Variants in LIPT1 observed in about 807,000 individuals in gnomAD.
LIPT1 encodes the protein lipoyltransferase 1.
In LIPT1, 22 loss-of-function variants were observed where a neutral mutation model predicts 25.1. The ratio of observed to expected loss-of-function variants is 0.88; its 90% CI spans 0.63 to 1.25. LIPT1 has a LOEUF of 1.25. Ranked by LOEUF, LIPT1 falls within the 50% of genes most tolerant of loss-of-function variation. LIPT1 has a pLI of 0.00. For synonymous variants in LIPT1, 131 were observed against 150.8 expected (o/e 0.87, Z 0.96); for missense variants, 399 against 432.8 (o/e 0.92, Z 0.69).
intron 1 of LIPT1, among the ~76,000 whole-genome samples, chr2:99,159,961 G>A (rs2093775912): frequency 6.6e-6 from 1 of 152,220 alleles, no homozygotes; most frequent in Admixed American, 6.5e-5. Context: ...CTCAGTTCAA[G>A]TATTCCTTCC....
intron 1 of LIPT1, among the ~76,000 whole-genome samples, chr2:99,160,866 TC>T (rs1559169356): frequency 6.6e-6 from 1 of 152,122 alleles, no homozygotes; most frequent in Non-Finnish European, 1.5e-5. Context: ...CATGAACACA[TC>T]GTTGATAACC....
chr2:99,160,158 G>A (rs2093777360), intron 1 of LIPT1, among the ~76,000 whole-genome samples: 1 of 152,160 alleles, frequency 6.6e-6, no homozygotes, highest in South Asian at 2.1e-4. Flanking sequence ...TATAATCCCA[G>A]CACTTTGGGA....
chr2:99,161,317 T>A (rs1574809443), intron 1 of LIPT1: 2 of 93,468 alleles, frequency 2.1e-5, no homozygotes, highest in African/African-American at 8.8e-5. Context: ...TATATATATA[T>A]ATATATATAT....
At position 99,163,016 on chromosome 2, in the gene LIPT1, A is replaced by G. The variant is rs1423255501; in HGVS notation, c.1059A>G (p.Pro353=). 6.2e-7 allele frequency: 1 copy of G among 1,603,788 alleles called. No individual in the cohort carries two copies. The highest frequency in any genetic ancestry group is 1.7e-5 in the Admixed American group (1 of 57,410). Reference sequence around the variant, plus strand: ...CAAATATATTACTTAGAACATGTCCACAAGACCACAAACTAAACAGTAAAT... The same window carrying G: ...CAAATATATTACTTAGAACATGTCCGCAAGACCACAAACTAAACAGTAAAT... ...MLTNILLRTC[P]QDHKLNSKWN... is the part of the protein sequence containing the mutation. The change falls in exon 2 of 2, where the codon CCA becomes CCG. Residue 353 remains proline (P), a synonymous_variant. Coordinates refer to ENST00000651691, the MANE Select transcript of LIPT1 (RefSeq NM_145199.3).
rs546532407 is a variant in LIPT1 at position 99,159,076 on chromosome 2, C to T, written c.-1-2881C>T. On this transcript the variant is annotated intron_variant, in intron 1 of 1. Coordinates refer to ENST00000651691, the MANE Select transcript of LIPT1 (RefSeq NM_145199.3). ...CCAGAGCTGCTGGGACTACAGGCGC[C>T]CGCCACCATGCCCGGCTAATTTTTT... 1.1e-4 allele frequency among the ~76,000 whole-genome samples: 17 copies of T among 152,306 alleles called. No homozygotes were observed. In the South Asian group the frequency reaches 3.5e-3, roughly 32 times the overall value.
At chr2:99,157,051 G>A (rs528840335) in intron 1 of LIPT1, among the ~76,000 whole-genome samples, 10 of 152,258 alleles carry the variant, frequency 6.6e-5, no homozygotes, top group African/African-American at 1.4e-4. Flanking sequence ...ATTTTATGAC[G>A]TCTGAGGCCA....
At position 99,162,611 on chromosome 2, in the gene LIPT1, G is replaced by A. The variant is rs773121905; in HGVS notation, c.654G>A (p.Lys218=). 6.2e-7 allele frequency: 1 copy of A among 1,614,104 alleles called. No individual in the cohort carries two copies. The highest frequency in any genetic ancestry group is 8.5e-7 in the Non-Finnish European group (1 of 1,180,022). The change falls in exon 2 of 2, where the codon AAG becomes AAA. Residue 218 remains lysine, a synonymous_variant. Coordinates refer to ENST00000651691, the MANE Select transcript of LIPT1 (RefSeq NM_145199.3). ...CCTTAGTGAAAAATCTTTTGGAAAA[G>A]GATCCCACTCTGACCTGTGAAGTAC... is the stretch of plus-strand genomic sequence containing the variant. The part of the protein sequence containing the change: ...IPSLVKNLLE[K]DPTLTCEVLM...
At chr2:99,157,511 G>A (rs1358974275) in intron 1 of LIPT1, among the ~76,000 whole-genome samples, 1 of 151,986 alleles carries the variant, frequency 6.6e-6, no homozygotes, top group African/African-American at 2.4e-5. Flanking sequence ...ATCCACCTTG[G>A]GCCTCCTATT....
chr2:99,155,019 T>C lies in LIPT1; in HGVS notation c.-34T>C, dbSNP rs2093735077. 1 of 455,848 alleles carries C rather than the reference T, an allele frequency of 2.2e-6. No homozygotes were observed. Among genetic ancestry groups the C allele is most frequent in the South Asian group, 1.5e-5 (1 of 64,564 alleles). The allele number at this position is 455,848 out of a possible 1,614,324, so 28.2% of individuals were successfully genotyped here. ...TGACGCACTTTTCCAGCTCGAGCCCTCACGAGGCCGTGGGTACGACCGGAA... is the reference window on the plus strand; with the variant it reads ...TGACGCACTTTTCCAGCTCGAGCCCCCACGAGGCCGTGGGTACGACCGGAA... On this transcript the variant is annotated 5_prime_UTR_variant, in exon 1 of 2. Transcript: ENST00000651691.
chr2:99,157,986 T>C (rs546236731), intron 1 of LIPT1, among the ~76,000 whole-genome samples: 25 of 152,344 alleles, frequency 1.6e-4, no homozygotes, highest in South Asian at 6.2e-4. Context: ...TTAGCACATA[T>C]TGTGTACTTT....
rs1188277189 is a variant in LIPT1, at chr2:99,163,031, A to G, written c.1074A>G (p.Leu358=). 1.9e-6 allele frequency: 3 copies of G among 1,596,054 alleles called. No individual in the cohort carries two copies. The highest frequency in any genetic ancestry group is 2.7e-5 in the African/African-American group (2 of 74,072). Residue 358 remains leucine (L), a synonymous_variant, in exon 2 of 2, where the codon CTA becomes CTG. Coordinates refer to ENST00000651691, the MANE Select transcript of LIPT1 (RefSeq NM_145199.3). ...GAACATGTCCACAAGACCACAAACT[A>G]AACAGTAAATGGAATATTCTCTGTG... ...LLRTCPQDHK[L]NSKWNILCEK... is the part of the protein sequence containing the mutation.
At chr2:99,161,335 T>TATATAG (rs2093790871) in intron 1 of LIPT1, 1 of 105,248 alleles carries the variant, frequency 9.5e-6, no homozygotes, top group Non-Finnish European at 1.8e-5. Flanking sequence ...TATATATATA[T>TATATAG]ATAGATTGAA....
At chr2:99,156,019 C>T (rs572176491) in intron 1 of LIPT1, among the ~76,000 whole-genome samples, 1 of 152,278 alleles carries the variant, frequency 6.6e-6, no homozygotes, top group South Asian at 2.1e-4. Context: ...AATCAATAAG[C>T]TGGCAGTCAG....
chr2:99,161,678 A>G (rs1427670567), intron 1 of LIPT1: 3 of 200,746 alleles, frequency 1.5e-5, no homozygotes, highest in Non-Finnish European at 1.8e-5. Flanking sequence ...TCTGTAAGAG[A>G]AAAAAAAAAG....
At chr2:99,161,868 A>C (rs1353643471) in intron 1 of LIPT1, 89 bp from the exon 2 acceptor site, 2 of 1,224,986 alleles carry the variant, frequency 1.6e-6, no homozygotes, top group African/African-American at 3.1e-5. Flanking sequence ...TTAAGTTTGG[A>C]TTAAATAACC....
rs1462449205 is a variant in LIPT1 at position 99,155,032 on chromosome 2, G to C, written c.-21G>C. 2.2e-6 allele frequency: 1 copy of C among 456,008 alleles called. No homozygotes were observed. The highest frequency in any genetic ancestry group is 2.3e-5 in the Admixed American group (1 of 42,586). 28.2% of individuals were successfully genotyped at this position (456,008 alleles called of 1,614,324 possible). ...CAGCTCGAGCCCTCACGAGGCCGTGGGTACGACCGGAAGCCGCAGGTGGGT... is the reference window on the plus strand; with the variant it reads ...CAGCTCGAGCCCTCACGAGGCCGTGCGTACGACCGGAAGCCGCAGGTGGGT... On this transcript the variant is annotated 5_prime_UTR_variant, in exon 1 of 2. Transcript: ENST00000651691.
In LIPT1 at chr2:99,162,857, A is replaced by G; in HGVS notation, c.900A>G (p.Ile300Met). ...EQSHLEIKVF[I>M]DIKNGRIEIC... The stretch of plus-strand genomic sequence containing the variant: ...CACACTTGGAAATTAAAGTATTCAT[A>G]GACATAAAGAATGGAAGAATTGAAA... The change falls in exon 2 of 2, where the codon ATA (isoleucine) becomes ATG (methionine). Residue 300 changes from isoleucine to methionine, a missense_variant. Transcript: ENST00000651691. 6.2e-7 allele frequency: 1 copy of G among 1,613,000 alleles called. No homozygotes were observed. Among genetic ancestry groups the G allele is most frequent in the East Asian group, 2.2e-5 (1 of 44,850 alleles).
At chr2:99,156,569 C>T (rs1457557181) in intron 1 of LIPT1, 2 of 152,244 alleles carry the variant, frequency 1.3e-5, no homozygotes, top group Non-Finnish European at 2.9e-5. Flanking sequence ...CGGCCATCTA[C>T]TTTTTTTAAT....
At chr2:99,156,524 A>G (rs1178908655) in intron 1 of LIPT1, 1 of 152,232 alleles carries the variant, frequency 6.6e-6, no homozygotes, top group Non-Finnish European at 1.5e-5. Flanking sequence ...TTGGCCTCCC[A>G]AAGTGCTGGG....
Sources: allele counts gnomAD v4.1 joint callset (sites outside exome capture counted in the v4.1 genomes callset), GRCh38; gene constraint gnomAD v4.1.1; transcripts MANE v1.5; gene names NCBI Gene and HGNC (gene_info 2026-07-23, HGNC 2026-07-21).